FSTL5: variants seen among roughly 807,000 people sequenced by gnomAD.
FSTL5 encodes follistatin like 5.
Under a neutral mutation model 89.1 loss-of-function variants are expected in FSTL5, and 62 were observed. The observed-to-expected ratio is 0.70, with a 90% CI of 0.57 to 0.86. FSTL5 has a LOEUF of 0.86. Among genes scored for constraint, FSTL5 ranks in the 40% least tolerant of loss-of-function variants. The pLI is 0.00. For synonymous variants in FSTL5, 383 were observed against 346.2 expected, an observed-to-expected ratio of 1.11 and a Z score of -1.18; for missense variants, 1,057 against 1,001.6, an observed-to-expected ratio of 1.06 and a Z score of -0.75.
chr4:162,027,377 T>C (rs1303867041), intron 3 of FSTL5, among the ~76,000 whole-genome samples: 1 of 152,116 alleles, frequency 6.6e-6, no homozygotes, highest in African/African-American at 2.4e-5. Context: ...GAATTGTTAA[T>C]TTTGAACAAT....
chr4:162,026,299 A>ATTTTCTTTTTT, intron 3 of FSTL5, among the ~76,000 whole-genome samples: 1 of 10,816 alleles, frequency 9.2e-5, no homozygotes, highest in East Asian at 3.0e-3. Flanking sequence ...CAGCTTATGT[A>ATTTTCTTTTTT]TTTTCTTTTT....
chr4:161,541,151 T>A (rs910471925), intron 9 of FSTL5, among the ~76,000 whole-genome samples: 1 of 152,118 alleles, frequency 6.6e-6, no homozygotes, highest in African/African-American at 2.4e-5. Flanking sequence ...TTAAGCCACA[T>A]GGAGTTTTAT....
chr4:161,793,940 G>A (rs1729553195), intron 4 of FSTL5, among the ~76,000 whole-genome samples: 1 of 152,076 alleles, frequency 6.6e-6, no homozygotes, highest in East Asian at 1.9e-4. Context: ...ATATAATACG[G>A]ATATTACATT....
At chr4:161,586,224 G>T (rs1327712650) in intron 8 of FSTL5, among the ~76,000 whole-genome samples, 1 of 152,066 alleles carries the variant, frequency 6.6e-6, no homozygotes, top group African/African-American at 2.4e-5. Context: ...ATTAAGCTCA[G>T]ATTTATGACT....
At chr4:161,879,157 T>C (rs1049540868) in intron 4 of FSTL5, among the ~76,000 whole-genome samples, 3 of 152,150 alleles carry the variant, frequency 2.0e-5, no homozygotes, top group African/African-American at 7.2e-5. Context: ...TACCAACATC[T>C]CTCTGTCTCA....
chr4:161,630,942 G>A (rs1735483668), intron 7 of FSTL5, among the ~76,000 whole-genome samples: 1 of 152,124 alleles, frequency 6.6e-6, no homozygotes, highest in Non-Finnish European at 1.5e-5. Flanking sequence ...ACAGGAATCT[G>A]ACACAAATGC....
intron 3 of FSTL5, among the ~76,000 whole-genome samples, chr4:161,947,939 G>C (rs1172277942): frequency 6.6e-6 from 1 of 152,018 alleles, no homozygotes; most frequent in Non-Finnish European, 1.5e-5. Flanking sequence ...TGATGTTAAA[G>C]CCATTTTAAA....
At chr4:161,981,256 GA>G (rs1735819851) in intron 3 of FSTL5, among the ~76,000 whole-genome samples, 1 of 152,084 alleles carries the variant, frequency 6.6e-6, no homozygotes, top group Non-Finnish European at 1.5e-5. Context: ...TTTCTCAATT[GA>G]AATTCACTAG....
At chr4:161,869,794 T>C (rs1732205635) in intron 4 of FSTL5, among the ~76,000 whole-genome samples, 3 of 152,380 alleles carry the variant, frequency 2.0e-5, no homozygotes, top group Admixed American at 6.5e-5. Context: ...CATTAGCATA[T>C]GGCATTCTCC....
chr4:161,872,140 G>GTTTTTTTTTTTTTTTTTTTT (rs1491313878), intron 4 of FSTL5, among the ~76,000 whole-genome samples: 12 of 67,504 alleles, frequency 1.8e-4, no homozygotes, highest in Non-Finnish European at 2.5e-4. Flanking sequence ...TTTTTTTTTT[G>GTTTTTTTTTTTTTTTTTTTT]GTTTTTTTTT....
intron 7 of FSTL5, among the ~76,000 whole-genome samples, chr4:161,619,864 A>G (rs1207884657): frequency 4.6e-5 from 7 of 152,196 alleles, no homozygotes; most frequent in African/African-American, 1.2e-4. Flanking sequence ...ACTATAAATC[A>G]TGCTGCTATA....
At chr4:161,957,095 A>G (rs1022807362) in intron 3 of FSTL5, among the ~76,000 whole-genome samples, 4 of 152,030 alleles carry the variant, frequency 2.6e-5, no homozygotes, top group African/African-American at 9.7e-5. Flanking sequence ...TAATTTTTAT[A>G]CACCAATGTG....
chr4:161,399,817 AG>A (rs1390843783), intron 15 of FSTL5, among the ~76,000 whole-genome samples: 6 of 152,130 alleles, frequency 3.9e-5, no homozygotes, highest in Admixed American at 2.0e-4. Flanking sequence ...CAAGAGCAAT[AG>A]GAGGTGGCTA....
chr4:162,074,498 C>T (rs1297302892), intron 2 of FSTL5, among the ~76,000 whole-genome samples: 1 of 151,726 alleles, frequency 6.6e-6, no homozygotes, highest in African/African-American at 2.4e-5. Context: ...GACATTAATA[C>T]ATCATTATCA....
At chr4:161,398,122 ACT>A (rs1302999160) in intron 15 of FSTL5, among the ~76,000 whole-genome samples, 3 of 152,036 alleles carry the variant, frequency 2.0e-5, no homozygotes, top group Admixed American at 1.3e-4. Flanking sequence ...TTAAGTTGTG[ACT>A]CTGCTTTAAT....
chr4:162,034,352 A>G (rs72980611), intron 2 of FSTL5, among the ~76,000 whole-genome samples: 2,015 of 152,276 alleles, frequency 0.013, 47 homozygotes, highest in African/African-American at 0.046. Context: ...AAGTTTAGGC[A>G]CAAACATCGG....
intron 2 of FSTL5, among the ~76,000 whole-genome samples, chr4:162,055,847 G>C (rs2111268145): frequency 6.6e-6 from 1 of 151,912 alleles, no homozygotes; most frequent in Non-Finnish European, 1.5e-5. Context: ...AGTCACTGGG[G>C]AAAGGATAAA....
intron 4 of FSTL5, among the ~76,000 whole-genome samples, chr4:161,902,497 A>T (rs1032642488): frequency 2.0e-5 from 3 of 152,318 alleles, no homozygotes. Context: ...TTCTTCATTG[A>T]ATGTGTGTCT....
At chr4:161,442,507 T>A (rs2126371329) in intron 15 of FSTL5, among the ~76,000 whole-genome samples, 1 of 152,226 alleles carries the variant, frequency 6.6e-6, no homozygotes, top group South Asian at 2.1e-4. Context: ...ATTCTCTGTG[T>A]CCACAACACC....
Sources: allele counts gnomAD v4.1 joint callset (sites outside exome capture counted in the v4.1 genomes callset), GRCh38; gene constraint gnomAD v4.1.1; transcripts MANE v1.5; gene names NCBI Gene and HGNC (gene_info 2026-07-23, HGNC 2026-07-21).